PUS7L: variants seen among roughly 807,000 people sequenced by gnomAD.
PUS7L encodes pseudouridylate synthase PUS7L.
Under a neutral mutation model 51.1 loss-of-function variants are expected in PUS7L, and 49 were observed. That is an observed-to-expected ratio of 0.96 (90% confidence interval 0.76 to 1.22). PUS7L has a LOEUF of 1.22. Among genes scored for constraint, PUS7L ranks in the 50% most tolerant of loss-of-function variants. The pLI is 0.00. For synonymous variants in PUS7L, 277 were observed against 276.2 expected (o/e 1.00, Z -0.03); for missense variants, 828 against 820.6 (o/e 1.01, Z -0.11).
rs1232506595 is a variant in PUS7L, at chr12:43,720,210, G to A, written c.*10166C>T. The A allele has an allele frequency of 6.6e-6, 1 of 152,214 alleles. No individual in the cohort carries two copies. Among genetic ancestry groups the A allele is most frequent in the Non-Finnish European group, 1.5e-5 (1 of 68,032 alleles). 9.4% of individuals were successfully genotyped at this position (152,214 alleles called of 1,614,324 possible). A position where few individuals can be genotyped will look rare whatever the true frequency, so the allele number is the denominator to read the frequency against. ...TACTTGACATATAGATTACTTAGAA[G>A]TGTATCTCTTCATCTGTAATCCCAG... On this transcript the variant is annotated 3_prime_UTR_variant, in exon 9 of 9. Coordinates refer to ENST00000344862, the MANE Select transcript of PUS7L (RefSeq NM_031292.5).
rs958693225 is a variant in PUS7L, at chr12:43,729,071, C to T, written c.*1305G>A. ...TATGTGTTCTACTTTTAGGGGGCAA[C>T]ATTTTCTCATGAAACTAAATTGTTC... On this transcript the variant is annotated 3_prime_UTR_variant, in exon 9 of 9. Coordinates refer to ENST00000344862, the MANE Select transcript of PUS7L (RefSeq NM_031292.5). 4.1e-5 allele frequency: 16 copies of T among 389,510 alleles called. No individual in the cohort carries two copies. Among genetic ancestry groups the T allele is most frequent in the Non-Finnish European group, 1.8e-5 (4 of 220,318 alleles). The allele number at this position is 389,510 out of a possible 1,614,324, so 24.1% of individuals were successfully genotyped here.
In PUS7L at chr12:43,721,585, A is replaced by G. The variant is rs1270910568; in HGVS notation, c.*8791T>C. 1.3e-5 allele frequency: 2 copies of G among 152,214 alleles called. No individual in the cohort carries two copies. The highest frequency in any genetic ancestry group is 4.8e-5 in the African/African-American group (2 of 41,466). 9.4% of individuals were successfully genotyped at this position (152,214 alleles called of 1,614,324 possible). A position where few individuals can be genotyped will look rare whatever the true frequency, so the allele number is the denominator to read the frequency against. On this transcript the variant is annotated 3_prime_UTR_variant, in exon 9 of 9. Transcript: ENST00000344862. ...ACTGATAGGTGCCAGAGGTATAAAG[A>G]TCAATGCTCTTGAATAATTCACAGT...
rs1360243019 is a variant in PUS7L at position 43,730,052 on chromosome 12, T to G, written c.*324A>C. The G allele has an allele frequency of 9.7e-6, 2 of 205,266 alleles. No individual in the cohort carries two copies. Among genetic ancestry groups the G allele is most frequent in the Non-Finnish European group, 2.0e-5 (2 of 101,988 alleles). 12.7% of individuals were successfully genotyped at this position (205,266 alleles called of 1,614,324 possible). ...GGAGGATATGAATATTCACAACTTTTTTTCTTAAATGTTATCTTGCAGTAT... is the reference window on the plus strand; with the variant it reads ...GGAGGATATGAATATTCACAACTTTGTTTCTTAAATGTTATCTTGCAGTAT... On this transcript the variant is annotated 3_prime_UTR_variant, in exon 9 of 9. Coordinates refer to ENST00000344862, the MANE Select transcript of PUS7L (RefSeq NM_031292.5).
rs1331775298 is a variant in PUS7L at position 43,726,825 on chromosome 12, CT to C, written c.*3550del. On this transcript the variant is annotated 3_prime_UTR_variant, in exon 9 of 9. Transcript: ENST00000344862. ...CCTGGGTGACAGAAGGAAACTCCAT[CT>C]AAAAAAAAAAAAAAATTGACAAGTG... 3 of 145,542 alleles carry C rather than the reference CT, an allele frequency of 2.1e-5. No individual in the cohort carries two copies. The highest frequency in any genetic ancestry group is 4.5e-5 in the Non-Finnish European group (3 of 66,268). 9.0% of individuals were successfully genotyped at this position (145,542 alleles called of 1,614,324 possible).
intron 1 of PUS7L, among the ~76,000 whole-genome samples, chr12:43,757,450 C>T (rs138245272): frequency 2.6e-5 from 4 of 152,272 alleles, no homozygotes; most frequent in African/African-American, 9.6e-5. Flanking sequence ...GGGTTACAGG[C>T]GTGAGCCACC....
chr12:43,735,897 C>G (rs986442050), intron 7 of PUS7L, among the ~76,000 whole-genome samples: 1 of 152,086 alleles, frequency 6.6e-6, no homozygotes, highest in Non-Finnish European at 1.5e-5. Context: ...CTGCCTCAGC[C>G]TCCTGAGTAG....
At chr12:43,745,430 G>A (rs1465165842) in intron 4 of PUS7L, among the ~76,000 whole-genome samples, 2 of 152,110 alleles carry the variant, frequency 1.3e-5, no homozygotes, top group Non-Finnish European at 2.9e-5. Flanking sequence ...TCATGATAGC[G>A]AGTGAGTTCT....
At chr12:43,747,231 T>A (rs192215945) in intron 3 of PUS7L, among the ~76,000 whole-genome samples, 1,597 of 152,294 alleles carry the variant, frequency 0.01, 15 homozygotes, top group Non-Finnish European at 0.017. Context: ...TGGTATTATT[T>A]ACAGTGAAAA....
intron 5 of PUS7L, chr12:43,741,048 T>TA (rs1401732425): frequency 6.6e-6 from 1 of 152,192 alleles, no homozygotes; most frequent in Non-Finnish European, 1.5e-5. Context: ...ACTGAGATAA[T>TA]AAATGCTTGT....
Position 43,720,321 on chromosome 12 carries a change from TAAAAATAC to T in PUS7L, c.*10047_*10054del. The stretch of plus-strand genomic sequence containing the variant: ...CAACATGGTGAAATCCCATCTCTAA[TAAAAATAC>T]AAAAATTAGCTGGGTATGGTGGCAC... On this transcript the variant is annotated 3_prime_UTR_variant, in exon 9 of 9. Transcript: ENST00000344862. The T allele has an allele frequency of 6.6e-6, 1 of 152,232 alleles. No homozygotes were observed. 9.4% of individuals were successfully genotyped at this position (152,232 alleles called of 1,614,324 possible).
At chr12:43,751,777 T>C (rs988769884) in intron 2 of PUS7L, among the ~76,000 whole-genome samples, 14 of 152,170 alleles carry the variant, frequency 9.2e-5, no homozygotes, top group Admixed American at 3.3e-4. Context: ...TGCCACACTG[T>C]CTTCCACAAT....
chr12:43,749,466 A>C (rs932185799), intron 2 of PUS7L, among the ~76,000 whole-genome samples: 2 of 152,142 alleles, frequency 1.3e-5, no homozygotes, highest in Non-Finnish European at 2.9e-5. Flanking sequence ...GAAGGATTTC[A>C]AGAGCAAACA....
At chr12:43,736,284 A>G in intron 7 of PUS7L, 97 bp downstream of exon 7, 1 of 979,250 alleles carries the variant, frequency 1.0e-6, no homozygotes, top group Non-Finnish European at 1.5e-6. Context: ...AATAAATTAC[A>G]TGTATGTTTA....
At position 43,754,714 on chromosome 12, in the gene PUS7L, C is replaced by T. The variant is rs755042497; in HGVS notation, c.532G>A (p.Ala178Thr). ...DKNQRASLHS[A>T]IRQKFPFLVT... ...AAAAATGGAAATTTCTGCCTAATGGCACTGTGTAAACTAGCCCTCTGGTTT... is the reference window on the plus strand; with the variant it reads ...AAAAATGGAAATTTCTGCCTAATGGTACTGTGTAAACTAGCCCTCTGGTTT... The change falls in exon 2 of 9, where the codon GCC becomes ACC. Residue 178 changes from alanine to threonine, a missense_variant. Transcript: ENST00000344862. 2.7e-5 allele frequency: 44 copies of T among 1,613,810 alleles called. No homozygotes were observed. Among genetic ancestry groups the T allele is most frequent in the Non-Finnish European group, 3.7e-5 (44 of 1,179,886 alleles).
At position 43,755,016 on chromosome 12, in the gene PUS7L, T is replaced by C. The variant is rs1421931392; in HGVS notation, c.230A>G (p.Asn77Ser). ...GTTTCTTCCATCTTCTAAGGACAGA[T>C]TTTGAAGATCTAGTTTTGGTTTTTT... ...FPKKPKLDLQNLSLEDGRNQE... is the reference protein window; with the variant it reads ...FPKKPKLDLQSLSLEDGRNQE... The change falls in exon 2 of 9, where the codon AAT (asparagine) becomes AGT (serine). Residue 77 changes from asparagine (N) to serine (S), a missense_variant. Asn to Ser is a conservative substitution (Grantham distance 46, BLOSUM62 1). Coordinates refer to ENST00000344862, the MANE Select transcript of PUS7L (RefSeq NM_031292.5). 1 of 1,613,120 alleles carries C rather than the reference T, an allele frequency of 6.2e-7. No individual in the cohort carries two copies. Among genetic ancestry groups the C allele is most frequent in the African/African-American group, 1.3e-5 (1 of 74,954 alleles).
Position 43,738,383 on chromosome 12 carries a change from G to T in PUS7L, c.1371C>A (p.Ala457=). ...CTTCTGGTGTAAGAAACAATTTTAT[G>T]GCTTTCATCTTAAAAAATCAAGCAG... The part of the protein sequence containing the change: ...LALLKNEMMK[A]IKLFLTPEDL... Residue 457 remains alanine, a synonymous_variant, in exon 6 of 9, where the codon GCC becomes GCA. Coordinates refer to ENST00000344862, the MANE Select transcript of PUS7L (RefSeq NM_031292.5). 6.4e-7 allele frequency: 1 copy of T among 1,564,110 alleles called. No homozygotes were observed. The highest frequency in any genetic ancestry group is 8.8e-7 in the Non-Finnish European group (1 of 1,137,806).
At chr12:43,749,316 T>A (rs1056197741) in intron 2 of PUS7L, among the ~76,000 whole-genome samples, 1 of 152,172 alleles carries the variant, frequency 6.6e-6, no homozygotes, top group Non-Finnish European at 1.5e-5. Context: ...GTTCCCCTTG[T>A]ATGTTCATTG....
At position 43,720,099 on chromosome 12, in the gene PUS7L, C is replaced by G. The variant is rs1447367839; in HGVS notation, c.*10277G>C. ...TATGAATATAATCTCCCTCTACATGCTGCTTTAAGTGCATCCCACAAGTTT... is the reference window on the plus strand; with the variant it reads ...TATGAATATAATCTCCCTCTACATGGTGCTTTAAGTGCATCCCACAAGTTT... On this transcript the variant is annotated 3_prime_UTR_variant, in exon 9 of 9. Transcript: ENST00000344862. The G allele has an allele frequency of 6.6e-6, 1 of 152,188 alleles. No individual in the cohort carries two copies. The highest frequency in any genetic ancestry group is 2.4e-5 in the African/African-American group (1 of 41,452). The allele number at this position is 152,188 out of a possible 1,614,324, so 9.4% of individuals were successfully genotyped here. A position where few individuals can be genotyped will look rare whatever the true frequency, so the allele number is the denominator to read the frequency against.
intron 2 of PUS7L, among the ~76,000 whole-genome samples, 185 bp from the exon 3 acceptor site, chr12:43,748,794 G>C (rs569345378): frequency 3.3e-5 from 5 of 152,192 alleles, no homozygotes; most frequent in African/African-American, 1.2e-4. Flanking sequence ...CGCAATCTAG[G>C]CTCACTGCAA....
Sources: gnomAD v4.1 joint callset for allele counts (sites outside exome capture counted in the v4.1 genomes callset) on GRCh38, gnomAD v4.1.1 for gene constraint, MANE v1.5 for transcripts, NCBI Gene and HGNC (gene_info 2026-07-23, HGNC 2026-07-21) for gene names.